Variants in SYNE1 observed in about 807,000 individuals in gnomAD.
SYNE1 encodes nesprin-1.
A neutral mutation model predicts 1,111.0 loss-of-function variants in SYNE1; 616 were observed. The observed-to-expected ratio is 0.55, with a 90% CI of 0.52 to 0.59. The LOEUF is 0.59. Among genes scored for constraint, SYNE1 ranks in the 20% least tolerant of loss-of-function variants. SYNE1 has a pLI of 0.00. For missense variants in SYNE1, 10,006 were observed against 10,417.0 expected (o/e 0.96, Z 1.72); for synonymous variants, 3,855 against 3,825.8 (o/e 1.01, Z -0.28).
intron 104 of SYNE1, among the ~76,000 whole-genome samples, chr6:152,252,822 A>G (rs1445841505): frequency 6.6e-6 from 1 of 152,228 alleles, no homozygotes; most frequent in African/African-American, 2.4e-5. Context: ...AAAATAGAGA[A>G]CGTGATTTAA....
chr6:152,360,005 T>A (rs994876951), intron 64 of SYNE1, among the ~76,000 whole-genome samples: 2 of 152,160 alleles, frequency 1.3e-5, no homozygotes, highest in Non-Finnish European at 2.9e-5. Flanking sequence ...CAGGCTGCCC[T>A]CCTCTTTCAC....
intron 3 of SYNE1, among the ~76,000 whole-genome samples, chr6:152,547,228 C>A (rs1019097751): frequency 7.9e-5 from 12 of 152,188 alleles, no homozygotes; most frequent in African/African-American, 2.9e-4. Context: ...GAAAAGCTAA[C>A]CAAAACAGAA....
intron 75 of SYNE1, among the ~76,000 whole-genome samples, chr6:152,338,419 C>T (rs1009438046): frequency 2.6e-5 from 4 of 151,822 alleles, no homozygotes; most frequent in Admixed American, 6.6e-5. Context: ...CCCAGGAGTT[C>T]GAGACCAGCC....
intron 4 of SYNE1, among the ~76,000 whole-genome samples, chr6:152,534,170 AAATGAATGAATGAATG>A (rs770216813): frequency 0.031 from 4,531 of 146,168 alleles, 252 homozygotes; most frequent in African/African-American, 0.11. Context: ...AAAAATAAAT[AAATGAATGAATGAATG>A]AATGAATGAA....
At chr6:152,343,298 ACAGGCGCCTGCCACCATGCC>A (rs1418430836) in intron 74 of SYNE1, among the ~76,000 whole-genome samples, 104 of 151,310 alleles carry the variant, frequency 6.9e-4, no homozygotes, top group Non-Finnish European at 2.4e-4. Context: ...AGCTAGGATT[ACAGGCGCCTGCCACCATGCC>A]CAGCTAATTT....
intron 97 of SYNE1, among the ~76,000 whole-genome samples, chr6:152,279,307 ATTG>A (rs1589248930): frequency 6.6e-6 from 1 of 151,600 alleles, no homozygotes; most frequent in East Asian, 1.9e-4. Context: ...CTTATAAATC[ATTG>A]TTTTTATGTT....
intron 124 of SYNE1, among the ~76,000 whole-genome samples, chr6:152,208,654 C>T (rs960079968): frequency 3.9e-5 from 6 of 152,110 alleles, no homozygotes; most frequent in Admixed American, 6.5e-5. Flanking sequence ...GTCTTCAGTT[C>T]GAATCATAAG....
intron 3 of SYNE1, among the ~76,000 whole-genome samples, chr6:152,577,507 C>T (rs975888748): frequency 6.6e-6 from 1 of 152,092 alleles, no homozygotes; most frequent in Non-Finnish European, 1.5e-5. Flanking sequence ...GTGGCGGGCG[C>T]CTGTAGTCGC....
chr6:152,476,237 C>T (rs540657178), intron 14 of SYNE1, among the ~76,000 whole-genome samples: 1 of 152,176 alleles, frequency 6.6e-6, no homozygotes, highest in Non-Finnish European at 1.5e-5. Flanking sequence ...GAGAAAAAGA[C>T]TCAACATGCC....
intron 21 of SYNE1, among the ~76,000 whole-genome samples, chr6:152,459,431 G>T (rs1291040063): frequency 6.6e-6 from 1 of 152,124 alleles, no homozygotes; most frequent in Non-Finnish European, 1.5e-5. Context: ...ACAGGCCTGT[G>T]CTTTCCTGCC....
At chr6:152,261,117 C>A (rs980593652) in intron 101 of SYNE1, among the ~76,000 whole-genome samples, 1 of 152,202 alleles carries the variant, frequency 6.6e-6, no homozygotes, top group Non-Finnish European at 1.5e-5. Flanking sequence ...CCTCTCCCAG[C>A]CCCTAAGCTA....
chr6:152,510,958 T>A (rs1194269869), intron 7 of SYNE1, 53 bp downstream of exon 7: 1 of 1,514,140 alleles, frequency 6.6e-7, no homozygotes. Context: ...ATGGCCACCA[T>A]GATCTCCCTC....
chr6:152,518,463 G>A (rs923456474), intron 6 of SYNE1, among the ~76,000 whole-genome samples: 18 of 151,844 alleles, frequency 1.2e-4, no homozygotes, highest in East Asian at 5.8e-4. Flanking sequence ...CTCCTGCTCT[G>A]GCCATGTGAC....
rs143674856 is a variant in SYNE1 at position 152,236,947 on chromosome 6, G to A, written c.20069C>T (p.Thr6690Met). The change falls in exon 109 of 146, where the codon ACG becomes ATG. Residue 6690 changes from threonine to methionine, a missense_variant and splice_region_variant. Physicochemically the swap from Thr to Met is moderately conservative, Grantham distance 81. Coordinates refer to ENST00000367255, the MANE Select transcript of SYNE1 (RefSeq NM_182961.4). ...RGVELEYILE[T>M]WSHLDEDQQE... ...CTGGTCCTCATCCAGATGGGACCAC[G>A]TCTAGAAACACAACATGAGTCTGTG... The A allele has an allele frequency of 2.6e-5, 42 of 1,613,716 alleles. 1 individual carries two copies. The East Asian group carries it at 3.6e-4, about 14-fold the overall frequency.
intron 3 of SYNE1, among the ~76,000 whole-genome samples, chr6:152,605,036 G>GA (rs1565142460): frequency 5.1e-5 from 2 of 39,426 alleles, no homozygotes; most frequent in African/African-American, 1.2e-4. Context: ...GAGAGAGAGA[G>GA]GGAGGGAGGG....
At chr6:152,132,084 T>C (rs771887103) in intron 144 of SYNE1, 38 bp downstream of exon 144, 2 of 1,585,420 alleles carry the variant, frequency 1.3e-6, no homozygotes, top group African/African-American at 1.3e-5. Flanking sequence ...CAGTGTTCAC[T>C]CCCATGGGCC....
chr6:152,601,976 C>G (rs2099597245), intron 3 of SYNE1, among the ~76,000 whole-genome samples: 1 of 152,096 alleles, frequency 6.6e-6, no homozygotes, highest in Non-Finnish European at 1.5e-5. Context: ...GCCCCTGGGT[C>G]TCCACTCATT....
chr6:152,148,065 C>T lies in SYNE1; in HGVS notation c.24956G>A (p.Arg8319Gln), dbSNP rs148008634. Residue 8319 changes from arginine to glutamine, a missense_variant, in exon 137 of 146, where the codon CGG becomes CAG. Transcript: ENST00000367255. The surrounding 1 kb of genome is among the most constrained non-coding windows in gnomAD (Gnocchi z 4.1). Reference protein sequence around the residue: ...EGQDDKDFYLRGAVGLSGDHS... With the variant: ...EGQDDKDFYLQGAVGLSGDHS... The stretch of plus-strand genomic sequence containing the variant: ...CCTACCTGATAAGCCAACAGCTCCC[C>T]GGAGGTAGAAATCTTTGTCATCCTG... 374 of 1,614,068 alleles carry T rather than the reference C, an allele frequency of 2.3e-4. 3 individuals carry two copies. In the African/African-American group the frequency reaches 3.5e-3, roughly 15 times the overall value.
intron 3 of SYNE1, among the ~76,000 whole-genome samples, chr6:152,585,377 A>C (rs916439874): frequency 2.0e-5 from 3 of 152,272 alleles, no homozygotes; most frequent in African/African-American, 7.2e-5. Flanking sequence ...CTAGTTTTGC[A>C]TGCAAATGCA....
Sources: allele counts gnomAD v4.1 joint callset (sites outside exome capture counted in the v4.1 genomes callset), GRCh38; gene constraint gnomAD v4.1.1; non-coding constraint Gnocchi (gnomAD v3.1); transcripts MANE v1.5; gene names NCBI Gene and HGNC (gene_info 2026-07-23, HGNC 2026-07-21).